RCAN3: variants seen among roughly 807,000 people sequenced by gnomAD.
The protein encoded by RCAN3 is regulator of calcineurin 3, also known as calcipressin-3.
RCAN3 carries 19 observed loss-of-function variants against 21.9 expected under a neutral mutation model. The observed-to-expected ratio is 0.87, with a 90% CI of 0.61 to 1.27. The LOEUF (loss-of-function observed/expected upper bound fraction) is 1.27, where lower values mean the gene tolerates loss of function less well. RCAN3 is among the 50% of genes most tolerant of loss of function. The pLI is 0.00. For synonymous variants in RCAN3, 114 were observed against 112.3 expected (o/e 1.01, Z -0.09); for missense variants, 240 against 300.1 (o/e 0.80, Z 1.48).
chr1:24,509,115 C>CT (rs1647688923), intron 1 of RCAN3, among the ~76,000 whole-genome samples: 1 of 152,142 alleles, frequency 6.6e-6, no homozygotes, highest in Non-Finnish European at 1.5e-5. Context: ...TGAACATGAT[C>CT]ACGCCACTGC....
At chr1:24,529,176 G>C (rs777692359) in intron 2 of RCAN3, among the ~76,000 whole-genome samples, 61 of 152,236 alleles carry the variant, frequency 4.0e-4, no homozygotes, top group Non-Finnish European at 5.6e-4. Context: ...GGGAGGCTCA[G>C]GCAGAAGGAT....
Position 24,533,271 on chromosome 1 carries a change from T to C in RCAN3, c.541+17T>C, listed in dbSNP as rs906847689. The C allele has an allele frequency of 3.9e-5, 59 of 1,502,842 alleles. No homozygotes were observed. The highest frequency in any genetic ancestry group is 4.9e-5 in the Non-Finnish European group (55 of 1,125,976). 93.1% of individuals were successfully genotyped at this position (1,502,842 alleles called of 1,614,324 possible). A position where few individuals can be genotyped will look rare whatever the true frequency, so the allele number is the denominator to read the frequency against. On this transcript the variant is annotated intron_variant, in intron 4 of 4. Coordinates refer to ENST00000374395, the MANE Select transcript of RCAN3 (RefSeq NM_013441.4). The stretch of plus-strand genomic sequence containing the variant: ...TGGGACCAGGTAATAAACTTCTATT[T>C]TTCCTATTTTCTTCCCCAAGAAACT...
At chr1:24,526,279 A>G (rs1020215436) in intron 2 of RCAN3, among the ~76,000 whole-genome samples, 1 of 151,982 alleles carries the variant, frequency 6.6e-6, no homozygotes, top group African/African-American at 2.4e-5. Context: ...GTTTGTAGAG[A>G]TGGGGTCTTG....
chr1:24,523,032 G>C (rs1049984220), intron 2 of RCAN3, among the ~76,000 whole-genome samples: 3 of 151,070 alleles, frequency 2.0e-5, no homozygotes, highest in Non-Finnish European at 4.4e-5. Context: ...CATTTCTTCT[G>C]ATTGAGCCTG....
At chr1:24,503,942 T>A (rs549024222) in intron 1 of RCAN3, among the ~76,000 whole-genome samples, 3 of 152,372 alleles carry the variant, frequency 2.0e-5, no homozygotes, top group African/African-American at 7.2e-5. Flanking sequence ...CGATGTAAAG[T>A]AATTTGTTTT....
At chr1:24,517,763 C>T (rs1648459601) in intron 2 of RCAN3, among the ~76,000 whole-genome samples, 1 of 152,108 alleles carries the variant, frequency 6.6e-6, no homozygotes, top group Admixed American at 6.5e-5. Flanking sequence ...GAGGCCAAGG[C>T]AAGAGGATCG....
chr1:24,518,411 C>G (rs112935205), intron 2 of RCAN3, among the ~76,000 whole-genome samples: 2,742 of 152,206 alleles, frequency 0.018, 40 homozygotes, highest in Non-Finnish European at 0.026. Context: ...GAGAAAAGGA[C>G]TTATCTTTCA....
chr1:24,529,570 G>A, intron 2 of RCAN3, among the ~76,000 whole-genome samples: 1 of 99,298 alleles, frequency 1.0e-5, no homozygotes, highest in Non-Finnish European at 2.0e-5. Context: ...TTTTTTTTTA[G>A]GACAGAGTCT....
rs574966616 is a variant in RCAN3 at position 24,535,446 on chromosome 1, G to C, written c.*169G>C. ...GACACGGTCGTGTAGAGTAGCAGCT[G>C]ATTTGACCTGTCCCAGATTTTAAGT... On this transcript the variant is annotated 3_prime_UTR_variant, in exon 5 of 5. Coordinates refer to ENST00000374395, the MANE Select transcript of RCAN3 (RefSeq NM_013441.4). The C allele has an allele frequency of 1.7e-6, 1 of 579,118 alleles. No homozygotes were observed. Among genetic ancestry groups the C allele is most frequent in the African/African-American group, 1.9e-5 (1 of 51,616 alleles). The allele number at this position is 579,118 out of a possible 1,614,324, so 35.9% of individuals were successfully genotyped here. A position where few individuals can be genotyped will look rare whatever the true frequency, so the allele number is the denominator to read the frequency against.
intron 1 of RCAN3, among the ~76,000 whole-genome samples, chr1:24,508,404 G>A (rs2148891693): frequency 6.6e-6 from 1 of 152,354 alleles, no homozygotes; most frequent in East Asian, 1.9e-4. Flanking sequence ...ACAGGTGTGT[G>A]TGAACCACAG....
At chr1:24,527,190 T>C (rs1394151936) in intron 2 of RCAN3, among the ~76,000 whole-genome samples, 1 of 151,962 alleles carries the variant, frequency 6.6e-6, no homozygotes. Flanking sequence ...TAATTTTGCA[T>C]TTTTAGTAGA....
chr1:24,511,818 A>C (rs1307574856), intron 1 of RCAN3, among the ~76,000 whole-genome samples: 1 of 152,224 alleles, frequency 6.6e-6, no homozygotes, highest in Non-Finnish European at 1.5e-5. Flanking sequence ...AAAGTGACGC[A>C]TGATAAAATG....
At chr1:24,523,205 A>G (rs1648959711) in intron 2 of RCAN3, among the ~76,000 whole-genome samples, 1 of 151,996 alleles carries the variant, frequency 6.6e-6, no homozygotes, top group South Asian at 2.1e-4. Context: ...CTGGGATTAC[A>G]GGCACCTGCC....
In RCAN3 at chr1:24,538,100, T is replaced by G. The variant is rs1352777240; in HGVS notation, c.*2823T>G. 2 of 152,216 alleles carry G rather than the reference T, an allele frequency of 1.3e-5. No homozygotes were observed. The highest frequency in any genetic ancestry group is 2.9e-5 in the Non-Finnish European group (2 of 68,044). The allele number at this position is 152,216 out of a possible 1,614,324, so 9.4% of individuals were successfully genotyped here. A position where few individuals can be genotyped will look rare whatever the true frequency, so the allele number is the denominator to read the frequency against. On this transcript the variant is annotated 3_prime_UTR_variant, in exon 5 of 5. Transcript: ENST00000374395. ...GTCACAGAACCGACGCTGCATTGGC[T>G]CTTAGGTTCTAGATTTTTGTAGCAC...
intron 2 of RCAN3, among the ~76,000 whole-genome samples, chr1:24,515,769 C>A (rs1648267865): frequency 6.6e-6 from 1 of 152,020 alleles, no homozygotes; most frequent in African/African-American, 2.4e-5. Context: ...CTCATGGTGT[C>A]CAGCCCTGCA....
At chr1:24,532,948 CAAA>C (rs756973308) in intron 3 of RCAN3, 132 bp from the exon 4 acceptor site, 1,629 of 92,532 alleles carry the variant, frequency 0.018, no homozygotes, top group East Asian at 0.027. Context: ...GACTCCGTCT[CAAA>C]AAAAAAAAAA....
At chr1:24,532,572 G>A (rs1253349953) in intron 3 of RCAN3, among the ~76,000 whole-genome samples, 1 of 151,804 alleles carries the variant, frequency 6.6e-6, no homozygotes, top group Non-Finnish European at 1.5e-5. Flanking sequence ...AGCACCTACT[G>A]TGTGTGGCCA....
At chr1:24,519,735 T>C (rs2148900884) in intron 2 of RCAN3, among the ~76,000 whole-genome samples, 1 of 152,364 alleles carries the variant, frequency 6.6e-6, no homozygotes, top group East Asian at 1.9e-4. Context: ...AAGCAACACC[T>C]GTTAAATGTT....
At position 24,535,223 on chromosome 1, in the gene RCAN3, C is replaced by G; in HGVS notation, c.672C>G (p.Pro224=). ...PKQKIAQTRR[P]DPPTAALNEP... ...AGAAAATTGCCCAGACGAGGCGCCC[C>G]GACCCTCCGACCGCAGCGTTGAATG... The change falls in exon 5 of 5, where the codon CCC becomes CCG. Residue 224 remains proline (P), a synonymous_variant. Coordinates refer to ENST00000374395, the MANE Select transcript of RCAN3 (RefSeq NM_013441.4). 6.3e-7 allele frequency: 1 copy of G among 1,583,724 alleles called. No individual in the cohort carries two copies.
Sources: gnomAD v4.1 joint callset for allele counts (sites outside exome capture counted in the v4.1 genomes callset) on GRCh38, gnomAD v4.1.1 for gene constraint, MANE v1.5 for transcripts, NCBI Gene and HGNC (gene_info 2026-07-23, HGNC 2026-07-21) for gene names.